The following FAM13A variants were observed in gnomAD, a reference collection of about 807,000 sequenced individuals.
FAM13A encodes family with sequence similarity 13 member A.
A neutral mutation model predicts 129.6 loss-of-function variants in FAM13A; 76 were observed. The observed-to-expected ratio is 0.59, with a 90% CI of 0.49 to 0.71. The LOEUF (loss-of-function observed/expected upper bound fraction) is 0.71, where lower values mean the gene tolerates loss of function less well. Ranked by LOEUF, FAM13A falls within the 30% of genes least tolerant of loss-of-function variation. The probability of loss-of-function intolerance (pLI) is 0.00; values close to 1 mark genes in which losing one functional copy is unlikely to be tolerated. For synonymous variants in FAM13A, 443 were observed against 449.9 expected (o/e 0.98, Z 0.20); for missense variants, 1,108 against 1,249.3 (o/e 0.89, Z 1.70).
intron 6 of FAM13A, among the ~76,000 whole-genome samples, chr4:88,871,820 A>C (rs914399776): frequency 6.6e-6 from 1 of 152,112 alleles, no homozygotes; most frequent in African/African-American, 2.4e-5. Context: ...CCTCAAGAAA[A>C]GCAACCCCAA....
intron 6 of FAM13A, among the ~76,000 whole-genome samples, chr4:88,869,065 A>G (rs1056872267): frequency 1.3e-5 from 2 of 152,176 alleles, no homozygotes; most frequent in African/African-American, 2.4e-5. Flanking sequence ...ATTAGACTAT[A>G]TGGTCTCCAA....
At chr4:88,983,738 C>A (rs915390135) in intron 4 of FAM13A, among the ~76,000 whole-genome samples, 5 of 152,090 alleles carry the variant, frequency 3.3e-5, no homozygotes, top group Non-Finnish European at 7.4e-5. Context: ...AAATTGGTCT[C>A]CAGATTCAAC....
chr4:89,008,782 C>T (rs1330278124), intron 3 of FAM13A, among the ~76,000 whole-genome samples: 1 of 152,142 alleles, frequency 6.6e-6, no homozygotes, highest in African/African-American at 2.4e-5. Flanking sequence ...CCAAAACAGG[C>T]ACTTAAATTG....
intron 6 of FAM13A, among the ~76,000 whole-genome samples, chr4:88,881,726 A>C (rs1200898500): frequency 6.6e-6 from 1 of 152,198 alleles, no homozygotes; most frequent in Non-Finnish European, 1.5e-5. Flanking sequence ...GAAACAAAAA[A>C]AATGATATAA....
Position 89,056,865 on chromosome 4 carries a change from A to C in FAM13A, c.27+73T>G, listed in dbSNP as rs536979001. On this transcript the variant is annotated intron_variant, in intron 1 of 23. Transcript: ENST00000264344. ...AAATAAGTTACACAAACATCTCATC[A>C]AAACAAGGAAGGCAAGGCCCTCTCC... 14 of 1,431,770 alleles carry C rather than the reference A, an allele frequency of 9.8e-6. No homozygotes were observed. The African/African-American group carries it at 1.7e-4, about 18-fold the overall frequency. The allele number at this position is 1,431,770 out of a possible 1,614,324, so 88.7% of individuals were successfully genotyped here. A position where few individuals can be genotyped will look rare whatever the true frequency, so the allele number is the denominator to read the frequency against.
At chr4:88,795,453 T>A (rs1725967833) in intron 8 of FAM13A, among the ~76,000 whole-genome samples, 1 of 151,876 alleles carries the variant, frequency 6.6e-6, no homozygotes, top group African/African-American at 2.4e-5. Flanking sequence ...CAATTTTATA[T>A]ATTTAGTATG....
chr4:88,923,063 T>C (rs1751409360), intron 5 of FAM13A, among the ~76,000 whole-genome samples: 1 of 152,058 alleles, frequency 6.6e-6, no homozygotes, highest in African/African-American at 2.4e-5. Context: ...AATCAATAGC[T>C]TACCAACCAA....
At chr4:89,039,134 A>G (rs2704571) in intron 1 of FAM13A, among the ~76,000 whole-genome samples, 113,268 of 152,042 alleles carry the variant, frequency 0.74, 42,734 homozygotes, top group African/African-American at 0.88. Context: ...AGTAAATACA[A>G]AAGCTAGAAG....
chr4:88,807,533 A>G (rs1235361997), intron 7 of FAM13A, among the ~76,000 whole-genome samples: 1 of 152,120 alleles, frequency 6.6e-6, no homozygotes, highest in Non-Finnish European at 1.5e-5. Context: ...ATGTTAGTTC[A>G]TTTTTCTTAC....
At chr4:88,923,061 G>A (rs1751408534) in intron 5 of FAM13A, among the ~76,000 whole-genome samples, 1 of 152,138 alleles carries the variant, frequency 6.6e-6, no homozygotes, top group Non-Finnish European at 1.5e-5. Flanking sequence ...ATAATCAATA[G>A]CTTACCAACC....
intron 4 of FAM13A, among the ~76,000 whole-genome samples, chr4:88,959,522 G>A (rs1758301372): frequency 6.6e-6 from 1 of 152,188 alleles, no homozygotes; most frequent in Non-Finnish European, 1.5e-5. Flanking sequence ...TGATGTGCCT[G>A]CTCCCCCTTT....
Position 88,787,916 on chromosome 4 carries a change from T to C in FAM13A, c.1108A>G (p.Ile370Val), listed in dbSNP as rs1230327045. 1.2e-5 allele frequency: 20 copies of C among 1,612,994 alleles called. No homozygotes were observed. The highest frequency in any genetic ancestry group is 2.2e-5 in the East Asian group (1 of 44,826). Residue 370 changes from isoleucine (I) to valine (V), a missense_variant, in exon 10 of 24, where the codon ATC becomes GTC. Around this residue, in one of 3 missense-constraint regions of FAM13A, gnomAD observed 566 missense variants for 595.7 expected, o/e 0.95. Coordinates refer to ENST00000264344, the MANE Select transcript of FAM13A (RefSeq NM_014883.4). ...AGATGTTGTTCTACAGCTGATCGGA[T>C]GGTTCTTTCTAAGAGTCTGGCAAAA... Reference protein sequence around the residue: ...SATGELLERTIRSAVEQHLFD... With the variant: ...SATGELLERTVRSAVEQHLFD...
At chr4:88,752,255 C>T (rs1234289688) in intron 14 of FAM13A, among the ~76,000 whole-genome samples, 1 of 152,128 alleles carries the variant, frequency 6.6e-6, no homozygotes, top group African/African-American at 2.4e-5. Flanking sequence ...CAGCAGGTGA[C>T]AGATAAGGAA....
intron 1 of FAM13A, chr4:89,029,921 C>A (rs1458540042): frequency 2.6e-6 from 1 of 392,076 alleles, no homozygotes; most frequent in Non-Finnish European, 4.5e-6. Context: ...AGATATATTA[C>A]TACAGTAACC....
intron 6 of FAM13A, among the ~76,000 whole-genome samples, chr4:88,876,315 C>A (rs1231384715): frequency 6.6e-6 from 1 of 151,790 alleles, no homozygotes; most frequent in Non-Finnish European, 1.5e-5. Context: ...GAATTGCATT[C>A]TAATGCAAGC....
chr4:88,927,373 ATAAG>A (rs1752366693), intron 5 of FAM13A, among the ~76,000 whole-genome samples: 1 of 148,152 alleles, frequency 6.7e-6, no homozygotes, highest in South Asian at 2.1e-4. Flanking sequence ...ATTTCTAGAT[ATAAG>A]ATTGTATAAT....
intron 5 of FAM13A, among the ~76,000 whole-genome samples, chr4:88,935,147 C>T (rs1253570281): frequency 6.6e-6 from 1 of 152,216 alleles, no homozygotes. Context: ...TTTGCAGCTA[C>T]TGACCAGAGT....
intron 21 of FAM13A, among the ~76,000 whole-genome samples, chr4:88,734,558 T>C (rs1353837330): frequency 6.6e-6 from 1 of 152,208 alleles, no homozygotes; most frequent in Non-Finnish European, 1.5e-5. Flanking sequence ...TGCACAAGTA[T>C]ACAGCAAAGC....
chr4:88,826,187 C>CTTAA (rs1561098026), intron 7 of FAM13A, among the ~76,000 whole-genome samples: 1 of 152,066 alleles, frequency 6.6e-6, no homozygotes, highest in Non-Finnish European at 1.5e-5. Flanking sequence ...GTGCATCCCT[C>CTTAA]TTAACCCCCA....
Sources: gnomAD v4.1 joint callset for allele counts (sites outside exome capture counted in the v4.1 genomes callset) on GRCh38, gnomAD v4.1.1 for gene constraint, gnomAD v4.1.1 regional missense constraint, MANE v1.5 for transcripts, NCBI Gene and HGNC (gene_info 2026-07-23, HGNC 2026-07-21) for gene names.